Variants in TPTE2 observed in about 807,000 individuals in gnomAD.
The protein encoded by TPTE2 is phosphatidylinositol 3,4,5-trisphosphate 3-phosphatase TPTE2.
TPTE2 carries 53 observed loss-of-function variants against 78.6 expected under a neutral mutation model. The observed-to-expected ratio is 0.67, with a 90% CI of 0.54 to 0.85. The LOEUF (loss-of-function observed/expected upper bound fraction) is 0.85, where lower values mean the gene tolerates loss of function less well. Among genes scored for constraint, TPTE2 ranks in the 40% least tolerant of loss-of-function variants. TPTE2 has a pLI of 0.00. For missense variants in TPTE2, 461 were observed against 623.0 expected (o/e 0.74, Z 2.77); for synonymous variants, 175 against 206.2 (o/e 0.85, Z 1.30).
In TPTE2 at chr13:19,435,484, C is replaced by T. The variant is rs1421764054; in HGVS notation, c.1116+742G>A. ...AGAACGGATGAAACGTGGCTGGCGC[C>T]GGCTGAAATGACTGTTGCAGCAATG... On this transcript the variant is annotated intron_variant, in intron 15 of 19. Coordinates refer to ENST00000400230, the Ensembl canonical transcript of TPTE2. 2.0e-5 allele frequency among the ~76,000 whole-genome samples: 3 copies of T among 152,018 alleles called. 1 individual carries two copies. Among genetic ancestry groups the T allele is most frequent in the South Asian group, 4.2e-4 (2 of 4,812 alleles).
chr13:19,447,394 G>A (rs1877910912), intron 13 of TPTE2, among the ~76,000 whole-genome samples: 1 of 152,156 alleles, frequency 6.6e-6, no homozygotes, highest in Non-Finnish European at 1.5e-5. Flanking sequence ...TTTAGGTTGG[G>A]TAATGTGAAA....
At chr13:19,531,481 A>C (rs1300272459) in intron 1 of TPTE2, among the ~76,000 whole-genome samples, 5 of 152,076 alleles carry the variant, frequency 3.3e-5, no homozygotes, top group Non-Finnish European at 7.4e-5. Context: ...TAGAAAATTT[A>C]AGTCATTTAT....
At chr13:19,526,631 G>C (rs1160982097) in intron 1 of TPTE2, among the ~76,000 whole-genome samples, 3 of 152,146 alleles carry the variant, frequency 2.0e-5, no homozygotes, top group Admixed American at 2.0e-4. Flanking sequence ...CTTATCACCT[G>C]AGTGACAAAA....
intron 10 of TPTE2, among the ~76,000 whole-genome samples, chr13:19,457,481 C>T (rs1878609469): frequency 6.6e-6 from 1 of 152,126 alleles, no homozygotes; most frequent in South Asian, 2.1e-4. Context: ...ATGTATTAAG[C>T]CCAGCATCCA....
At chr13:19,467,079 G>A (rs1879313123) in intron 7 of TPTE2, 146 bp downstream of exon 10, 3 of 1,005,116 alleles carry the variant, frequency 3.0e-6, no homozygotes, top group Non-Finnish European at 4.1e-6. Flanking sequence ...AAGTATGTGG[G>A]CATTTACCCA....
chr13:19,464,228 A>T (rs76728921), intron 10 of TPTE2, among the ~76,000 whole-genome samples: 3 of 152,326 alleles, frequency 2.0e-5, no homozygotes, highest in Non-Finnish European at 4.4e-5. Context: ...CAAATTCACA[A>T]ACCACAGTAT....
intron 10 of TPTE2, among the ~76,000 whole-genome samples, chr13:19,458,944 G>A (rs1205555301): frequency 6.6e-6 from 1 of 152,114 alleles, no homozygotes; most frequent in Non-Finnish European, 1.5e-5. Flanking sequence ...CCCATAATGG[G>A]ATTGCTGGGT....
intron 1 of TPTE2, among the ~76,000 whole-genome samples, chr13:19,498,406 G>C (rs1404739844): frequency 6.6e-6 from 1 of 151,508 alleles, no homozygotes; most frequent in African/African-American, 2.4e-5. Flanking sequence ...AAGAAAGGTC[G>C]GGTTACCCTC....
chr13:19,561,317 C>A, the TPTE2 span: 65 of 749,270 alleles, frequency 8.7e-5, no homozygotes, highest in Middle Eastern at 1.2e-3. Flanking sequence ...CCCAGGCACA[C>A]GGCGGGGGCC....
chr13:19,453,629 C>T (rs186808313), intron 10 of TPTE2, among the ~76,000 whole-genome samples: 4 of 150,348 alleles, frequency 2.7e-5, no homozygotes, highest in Admixed American at 2.0e-4. Flanking sequence ...CCGAAGACTG[C>T]AAATACCTCT....
At chr13:19,432,558 A>G in exon 16 of TPTE2, 1 of 1,602,416 alleles carries the variant, frequency 6.2e-7, no homozygotes, top group Non-Finnish European at 8.5e-7. Context: ...TCACTTGTGC[A>G]AAATATCCAA....
the TPTE2 span, among the ~76,000 whole-genome samples, chr13:19,542,189 C>T: frequency 6.6e-6 from 1 of 152,078 alleles, no homozygotes; most frequent in Non-Finnish European, 1.5e-5. Flanking sequence ...AGGTCTTGCT[C>T]TGTCACTCAG....
At chr13:19,481,011 ATGT>A (rs1436695748) in intron 4 of TPTE2, among the ~76,000 whole-genome samples, 3 of 152,240 alleles carry the variant, frequency 2.0e-5, no homozygotes, top group Non-Finnish European at 2.9e-5. Context: ...GTTGCAAATA[ATGT>A]TGTAAGTGCA....
chr13:19,465,442 A>C (rs760178013), intron 8 of TPTE2, 23 bp downstream of exon 11: 3 of 1,609,226 alleles, frequency 1.9e-6, no homozygotes, highest in Non-Finnish European at 2.5e-6. Flanking sequence ...TTTCTGAATC[A>C]TAAGCATGTT....
intron 3 of TPTE2, among the ~76,000 whole-genome samples, chr13:19,489,848 T>G (rs1468745404): frequency 6.6e-6 from 1 of 151,714 alleles, no homozygotes; most frequent in East Asian, 1.9e-4. Context: ...GAAAGGTGAG[T>G]TATATCAAAG....
chr13:19,433,469 C>T (rs1371876607), intron 15 of TPTE2, among the ~76,000 whole-genome samples: 1 of 152,168 alleles, frequency 6.6e-6, no homozygotes, highest in Non-Finnish European at 1.5e-5. Flanking sequence ...CACCACTGCA[C>T]TCTAGTCTGG....
chr13:19,492,104 A>G (rs1182184602), intron 3 of TPTE2, among the ~76,000 whole-genome samples: 1 of 152,140 alleles, frequency 6.6e-6, no homozygotes, highest in Non-Finnish European at 1.5e-5. Context: ...GGTTTTCCGT[A>G]TTACTTACAC....
Position 19,522,886 on chromosome 13 carries a change from A to G in TPTE2, c.-44+13710T>C, listed in dbSNP as rs1870256497. On this transcript the variant is annotated intron_variant, in intron 1 of 17. Coordinates refer to the TPTE2 transcript ENST00000390680. ...CATGATCCACCCGCCTCAGCCTCCC[A>G]AAGTGCTGGAATTACAGGCATGAGC... 3.3e-5 allele frequency among the ~76,000 whole-genome samples: 5 copies of G among 151,806 alleles called. 1 individual carries two copies. Among genetic ancestry groups the G allele is most frequent in the Admixed American group, 3.3e-4 (5 of 15,234 alleles).
chr13:19,522,169 C>T (rs1002730720), intron 1 of TPTE2, among the ~76,000 whole-genome samples: 6 of 152,196 alleles, frequency 3.9e-5, no homozygotes, highest in Admixed American at 3.3e-4. Flanking sequence ...TCTTGATTAT[C>T]ACACCAACTG....
Sources: allele counts gnomAD v4.1 joint callset (sites outside exome capture counted in the v4.1 genomes callset), GRCh38; gene constraint gnomAD v4.1.1; transcripts MANE v1.5; gene names NCBI Gene and HGNC (gene_info 2026-07-23, HGNC 2026-07-21).